Variants in NTNG1 observed in about 807,000 individuals in gnomAD.
The protein encoded by NTNG1 is netrin G1, also known as netrin-G1.
NTNG1 carries 16 observed loss-of-function variants against 54.0 expected under a neutral mutation model. The observed-to-expected ratio is 0.30, with a 90% CI of 0.20 to 0.45. The LOEUF is 0.45. Among genes scored for constraint, NTNG1 ranks in the 20% least tolerant of loss-of-function variants. The pLI is 1.00. For synonymous variants in NTNG1, 255 were observed against 263.1 expected (o/e 0.97, Z 0.30); for missense variants, 530 against 678.7 (o/e 0.78, Z 2.43).
rs574511691 is a variant in NTNG1 at position 107,375,316 on chromosome 1, ACTCAT to A, written c.888-19832_888-19828del. Among the ~76,000 whole-genome samples the A allele has an allele frequency of 4.0e-5, 6 of 151,134 alleles. No individual in the cohort carries two copies. The South Asian group carries it at 1.3e-3, about 32-fold the overall frequency. ...TCTGGCAAGCTAAGGCAGTCATTGG[ACTCAT>A]CTCATTTGTTTTCTGCCTCTCAGAG... On this transcript the variant is annotated intron_variant, in intron 3 of 7. Coordinates refer to ENST00000370068, the MANE Select transcript of NTNG1 (RefSeq NM_001113226.3).
At chr1:107,402,700 C>G (rs1378360103) in intron 4 of NTNG1, among the ~76,000 whole-genome samples, 2 of 152,132 alleles carry the variant, frequency 1.3e-5, no homozygotes, top group Non-Finnish European at 2.9e-5. Flanking sequence ...TACTAGGGGC[C>G]AGGACTGGAA....
intron 1 of NTNG1, among the ~76,000 whole-genome samples, chr1:107,141,920 G>C (rs541255325): frequency 6.6e-6 from 1 of 152,138 alleles, no homozygotes; most frequent in South Asian, 2.1e-4. Flanking sequence ...TTGCCCTATT[G>C]CCGGCCTTGG....
intron 1 of NTNG1, among the ~76,000 whole-genome samples, chr1:107,142,253 A>C (rs1653783580): frequency 6.6e-6 from 1 of 152,024 alleles, no homozygotes; most frequent in Admixed American, 6.5e-5. Flanking sequence ...AAAAACTTAG[A>C]TATAAAAAGA....
At chr1:107,423,287 A>G (rs1674686131) in intron 5 of NTNG1, among the ~76,000 whole-genome samples, 1 of 152,080 alleles carries the variant, frequency 6.6e-6, no homozygotes, top group Non-Finnish European at 1.5e-5. Context: ...TTTGCCCCCC[A>G]GGGGACATTT....
At chr1:107,310,916 C>T (rs755789197) in intron 2 of NTNG1, among the ~76,000 whole-genome samples, 23 of 151,930 alleles carry the variant, frequency 1.5e-4, no homozygotes, top group Non-Finnish European at 2.9e-5. Context: ...CATAAAAGGC[C>T]TGAGAAGCAG....
At chr1:107,321,845 T>C (rs1361257545) in intron 2 of NTNG1, among the ~76,000 whole-genome samples, 1 of 151,958 alleles carries the variant, frequency 6.6e-6, no homozygotes, top group Non-Finnish European at 1.5e-5. Flanking sequence ...CTCCAGTGAC[T>C]TGGGAATTCA....
intron 2 of NTNG1, among the ~76,000 whole-genome samples, chr1:107,152,955 C>T (rs1323407116): frequency 1.3e-5 from 2 of 152,130 alleles, no homozygotes; most frequent in Non-Finnish European, 2.9e-5. Context: ...ATGGATTTTA[C>T]TTAGGAAATT....
At chr1:107,419,514 A>G (rs1366661876) in intron 5 of NTNG1, among the ~76,000 whole-genome samples, 2 of 151,954 alleles carry the variant, frequency 1.3e-5, no homozygotes, top group Non-Finnish European at 1.5e-5. Flanking sequence ...CATAAGCTGC[A>G]GTGTAATGTT....
chr1:107,232,454 C>G (rs1661135014), intron 2 of NTNG1, among the ~76,000 whole-genome samples: 1 of 152,138 alleles, frequency 6.6e-6, no homozygotes, highest in Non-Finnish European at 1.5e-5. Context: ...CTTTCACTTA[C>G]TAATTGGTGT....
At chr1:107,249,679 C>G in intron 2 of NTNG1, among the ~76,000 whole-genome samples, 1 of 152,234 alleles carries the variant, frequency 6.6e-6, no homozygotes, top group Non-Finnish European at 1.5e-5. Flanking sequence ...ATAATCCACA[C>G]TGTATATTAG....
intron 2 of NTNG1, among the ~76,000 whole-genome samples, chr1:107,280,853 CTTATTTTATTTTATTTTATTTTATT>C (rs71275980): frequency 1.4e-4 from 20 of 145,230 alleles, no homozygotes; most frequent in South Asian, 6.6e-4. Flanking sequence ...AGTCCTCTGA[CTTATTTTATTTTATTTTATTTTATT>C]TTATTTTATT....
chr1:107,280,959 A>G (rs1398593087), intron 2 of NTNG1, among the ~76,000 whole-genome samples: 1 of 151,838 alleles, frequency 6.6e-6, no homozygotes, highest in Admixed American at 6.6e-5. Context: ...ATGGAAATGG[A>G]AGGGCAATTG....
chr1:107,458,054 CA>C (rs1369121928), intron 7 of NTNG1, among the ~76,000 whole-genome samples: 9 of 152,228 alleles, frequency 5.9e-5, no homozygotes, highest in African/African-American at 2.2e-4. Context: ...CAGATATATT[CA>C]ATTCCAACAT....
chr1:107,189,385 A>C (rs1364169291), intron 2 of NTNG1, among the ~76,000 whole-genome samples: 2 of 151,226 alleles, frequency 1.3e-5, no homozygotes, highest in Non-Finnish European at 2.9e-5. Flanking sequence ...GAATTTAGAA[A>C]AGAAAATGAA....
chr1:107,386,139 ATATATGTGTG>A (rs1671964074), intron 3 of NTNG1, among the ~76,000 whole-genome samples: 3 of 101,938 alleles, frequency 2.9e-5, no homozygotes, highest in African/African-American at 9.0e-5. Context: ...ATGTATATAT[ATATATGTGTG>A]TATATATATA....
intron 2 of NTNG1, among the ~76,000 whole-genome samples, chr1:107,281,266 G>C (rs1158057214): frequency 6.6e-6 from 1 of 151,984 alleles, no homozygotes; most frequent in African/African-American, 2.4e-5. Flanking sequence ...AGAGCCCCCA[G>C]TAGAGTGAGG....
intron 3 of NTNG1, among the ~76,000 whole-genome samples, chr1:107,328,694 G>A (rs950484001): frequency 1.3e-5 from 2 of 152,008 alleles, no homozygotes; most frequent in Non-Finnish European, 2.9e-5. Flanking sequence ...TTGAAAAAGC[G>A]AGCACTGTAT....
chr1:107,235,057 C>G (rs1661316885), intron 2 of NTNG1, among the ~76,000 whole-genome samples: 1 of 152,004 alleles, frequency 6.6e-6, no homozygotes, highest in South Asian at 2.1e-4. Context: ...TATAATTATT[C>G]CAACTTTATC....
At chr1:107,208,748 C>T (rs1659388728) in intron 2 of NTNG1, among the ~76,000 whole-genome samples, 2 of 152,230 alleles carry the variant, frequency 1.3e-5, no homozygotes. Flanking sequence ...GCTGGAGTCC[C>T]TCCCAGAGGG....
Sources: gnomAD v4.1 joint callset for allele counts (sites outside exome capture counted in the v4.1 genomes callset) on GRCh38, gnomAD v4.1.1 for gene constraint, MANE v1.5 for transcripts, NCBI Gene and HGNC (gene_info 2026-07-23, HGNC 2026-07-21) for gene names.